Variants in NEK5 observed in about 807,000 individuals in gnomAD.
NEK5 encodes NIMA related kinase 5.
Under a neutral mutation model 109.2 loss-of-function variants are expected in NEK5, and 88 were observed. That is an observed-to-expected ratio of 0.81 (90% CI 0.68 to 0.96). NEK5 has a LOEUF of 0.96. Among genes scored for constraint, NEK5 ranks in the 40% least tolerant of loss-of-function variants. The probability of loss-of-function intolerance (pLI) is 0.00; values close to 1 mark genes in which losing one functional copy is unlikely to be tolerated. For synonymous variants in NEK5, 283 were observed against 299.9 expected, an observed-to-expected ratio of 0.94 and a Z score of 0.58; for missense variants, 834 against 920.7, an observed-to-expected ratio of 0.91 and a Z score of 1.22.
At chr13:52,084,711 G>C (rs983642620) in intron 16 of NEK5, among the ~76,000 whole-genome samples, 3 of 122,918 alleles carry the variant, frequency 2.4e-5, no homozygotes, top group African/African-American at 9.2e-5. Flanking sequence ...CTAATTTAAA[G>C]AGAGAGAGAG....
Position 52,102,352 on chromosome 13 carries a change from T to C in NEK5, c.610-60A>G. 2.3e-6 allele frequency: 3 copies of C among 1,292,432 alleles called. No individual in the cohort carries two copies. The South Asian group carries it at 3.6e-5, about 15-fold the overall frequency. The allele number at this position is 1,292,432 out of a possible 1,614,324, so 80.1% of individuals were successfully genotyped here. On this transcript the variant is annotated intron_variant, in intron 9 of 23. Coordinates refer to ENST00000684899, the MANE Select transcript of NEK5 (RefSeq NM_001365552.1). ...GAAAAGTTACTAAAGTAACAAATAA[T>C]AAAAGTGTTAAAGTAACAAATATAC...
intron 4 of NEK5, among the ~76,000 whole-genome samples, chr13:52,118,523 T>C (rs1164578630): frequency 6.6e-6 from 1 of 152,238 alleles, no homozygotes; most frequent in Non-Finnish European, 1.5e-5. Context: ...ATGAATGCTG[T>C]CTGACCAATG....
chr13:52,079,356 G>C (rs1954928983), intron 17 of NEK5, among the ~76,000 whole-genome samples: 1 of 139,756 alleles, frequency 7.2e-6, no homozygotes, highest in African/African-American at 2.8e-5. Context: ...CCGAGCCGAA[G>C]CTGGACTGTA....
intron 22 of NEK5, among the ~76,000 whole-genome samples, chr13:52,051,534 A>G (rs1954506224): frequency 6.6e-6 from 1 of 152,200 alleles, no homozygotes; most frequent in East Asian, 1.9e-4. Context: ...TACTTGATCA[A>G]TCTGACTTTG....
In NEK5 at chr13:52,119,678, C is replaced by T. The variant is rs187255912; in HGVS notation, c.118-263G>A. On this transcript the variant is annotated intron_variant, in intron 3 of 23. Coordinates refer to ENST00000684899, the MANE Select transcript of NEK5 (RefSeq NM_001365552.1). ...ATATTAAAAGTTGGACTGGTGGTAC[C>T]GTGTTCATTATCTAGCCATATGGAG... 3.1e-3 allele frequency among the ~76,000 whole-genome samples: 465 copies of T among 152,116 alleles called. 1 individual carries two copies. The highest frequency in any genetic ancestry group is 0.011 in the African/African-American group (455 of 41,492).
At chr13:52,108,172 A>C (rs1364411937) in intron 8 of NEK5, 146 bp downstream of exon 8, 1 of 568,882 alleles carries the variant, frequency 1.8e-6, no homozygotes, top group Non-Finnish European at 3.1e-6. Flanking sequence ...AGTTTGGTCC[A>C]GAACAATTTC....
intron 8 of NEK5, among the ~76,000 whole-genome samples, chr13:52,106,032 C>T (rs571957294): frequency 2.8e-4 from 42 of 152,134 alleles, no homozygotes; most frequent in Non-Finnish European, 5.1e-4. Context: ...TCTTGAAAAG[C>T]AGTACAAGCA....
chr13:52,099,812 T>C lies in NEK5; in HGVS notation c.957A>G (p.Pro319=). ...TATGCAATATAGCATTCCTTTTAAT[T>C]GGCACAGATATCCTTGATCTTGGTG... The part of the protein sequence containing the change: ...KCPPRSRISV[P]IKRNAILHRN... Residue 319 remains proline, a synonymous_variant, in exon 12 of 24, where the codon CCA becomes CCG. Transcript: ENST00000684899. 1 of 1,613,926 alleles carries C rather than the reference T, an allele frequency of 6.2e-7. No individual in the cohort carries two copies. Among genetic ancestry groups the C allele is most frequent in the Non-Finnish European group, 8.5e-7 (1 of 1,179,786 alleles).
chr13:52,063,910 GC>G (rs1012968438), intron 21 of NEK5, among the ~76,000 whole-genome samples: 1 of 150,774 alleles, frequency 6.6e-6, no homozygotes, highest in African/African-American at 2.4e-5. Context: ...GTGGGGGTCA[GC>G]CCCTGCCAGG....
At position 52,083,241 on chromosome 13, in the gene NEK5, T is replaced by G; in HGVS notation, c.1572+19A>C. 1 of 1,537,456 alleles carries G rather than the reference T, an allele frequency of 6.5e-7. No homozygotes were observed. The highest frequency in any genetic ancestry group is 9.0e-7 in the Non-Finnish European group (1 of 1,110,238). ...CACACACACTGCAAGCACACACATC[T>G]GATCATAGCCATCATTACCTGCACA... On this transcript the variant is annotated intron_variant, in intron 17 of 23. Coordinates refer to ENST00000684899, the MANE Select transcript of NEK5 (RefSeq NM_001365552.1).
intron 22 of NEK5, among the ~76,000 whole-genome samples, chr13:52,051,260 A>G (rs746035503): frequency 6.6e-6 from 1 of 151,312 alleles, no homozygotes; most frequent in Non-Finnish European, 1.5e-5. Flanking sequence ...CTGGCCTTTT[A>G]GTTAGCTTAA....
At chr13:52,125,059 C>T (rs1003641083) in intron 3 of NEK5, among the ~76,000 whole-genome samples, 5 of 152,276 alleles carry the variant, frequency 3.3e-5, no homozygotes, top group African/African-American at 9.6e-5. Flanking sequence ...ATTAATACAG[C>T]GCAGCACATA....
chr13:52,036,283 C>T lies in NEK5; in HGVS notation c.*665G>A, dbSNP rs1954360951. On this transcript the variant is annotated 3_prime_UTR_variant, in exon 24 of 24. Transcript: ENST00000684899. ...TAAGGACCCTTGTGATTACACTGCA[C>T]CCAGGTGGATAAACCAAGATAACCT... The T allele has an allele frequency of 6.6e-6, 1 of 152,154 alleles. No homozygotes were observed. The highest frequency in any genetic ancestry group is 6.5e-5 in the Admixed American group (1 of 15,270). 9.4% of individuals were successfully genotyped at this position (152,154 alleles called of 1,614,324 possible).
intron 16 of NEK5, among the ~76,000 whole-genome samples, chr13:52,085,416 G>A (rs746777138): frequency 6.6e-6 from 1 of 152,186 alleles, no homozygotes; most frequent in Non-Finnish European, 1.5e-5. Flanking sequence ...GAAAGCTCTA[G>A]TTCATGGCCT....
In NEK5 at chr13:52,034,077, A is replaced by T. The variant is rs1024122787; in HGVS notation, c.*2871T>A. The T allele has an allele frequency of 2.0e-5, 3 of 152,194 alleles. No homozygotes were observed. Among genetic ancestry groups the T allele is most frequent in the Non-Finnish European group, 2.9e-5 (2 of 68,032 alleles). The allele number at this position is 152,194 out of a possible 1,614,324, so 9.4% of individuals were successfully genotyped here. A position where few individuals can be genotyped will look rare whatever the true frequency, so the allele number is the denominator to read the frequency against. ...TTGTACTATATGCAAATGTTACTAG[A>T]CACAGAGGAGGTCAAAGTGTTGATA... On this transcript the variant is annotated 3_prime_UTR_variant, in exon 24 of 24. Coordinates refer to ENST00000684899, the MANE Select transcript of NEK5 (RefSeq NM_001365552.1).
At chr13:52,074,236 C>T (rs1482166469) in intron 19 of NEK5, among the ~76,000 whole-genome samples, 1 of 151,986 alleles carries the variant, frequency 6.6e-6, no homozygotes, top group Non-Finnish European at 1.5e-5. Flanking sequence ...CAAACTATAC[C>T]ATAAGACTAC....
At chr13:52,098,261 CAAATAAATAAATAAAT>C (rs34554364) in intron 12 of NEK5, among the ~76,000 whole-genome samples, 65,663 of 146,868 alleles carry the variant, frequency 0.45, 15,612 homozygotes, top group Non-Finnish European at 0.54. Flanking sequence ...GACCCTCTTT[CAAATAAATAAATAAAT>C]AAATAAATAA....
chr13:52,119,276 C>T (rs938445143), intron 4 of NEK5, 43 bp downstream of exon 4: 2 of 1,148,978 alleles, frequency 1.7e-6, no homozygotes, highest in Admixed American at 3.7e-5. Flanking sequence ...GTCAACATGC[C>T]TATACTTTAT....
chr13:52,108,653 G>A (rs1392090653), intron 7 of NEK5, among the ~76,000 whole-genome samples: 2 of 152,068 alleles, frequency 1.3e-5, no homozygotes, highest in African/African-American at 4.8e-5. Context: ...ACTCCACAAA[G>A]AGATGAAATT....
Sources: allele counts gnomAD v4.1 joint callset (sites outside exome capture counted in the v4.1 genomes callset), GRCh38; gene constraint gnomAD v4.1.1; transcripts MANE v1.5; gene names NCBI Gene and HGNC (gene_info 2026-07-23, HGNC 2026-07-21).